Variants in CLDN10 observed in about 807,000 individuals in gnomAD.
CLDN10 encodes claudin-10.
A neutral mutation model predicts 22.9 loss-of-function variants in CLDN10; 15 were observed. The observed-to-expected ratio is 0.65, with a 90% CI of 0.44 to 1.01. CLDN10 has a LOEUF of 1.01. Ranked by LOEUF, CLDN10 falls within the 50% of genes least tolerant of loss-of-function variation. CLDN10 has a pLI of 0.00. For synonymous variants in CLDN10, 114 were observed against 111.4 expected (o/e 1.02, Z -0.15); for missense variants, 247 against 287.8 (o/e 0.86, Z 1.03).
Position 95,470,390 on chromosome 13 carries a change from G to A in CLDN10, c.214+36343G>A, listed in dbSNP as rs1344306138. Among the ~76,000 whole-genome samples, 3 of 152,264 alleles carry A rather than the reference G, an allele frequency of 2.0e-5. No homozygotes were observed. In the East Asian group the frequency reaches 5.8e-4, roughly 29 times the overall value. Reference sequence around the variant, plus strand: ...AGCCTTCCAAGCAGCTGGAACCATAGGTGCGCACCATCATGGCTGGCTGGA... The same window carrying A: ...AGCCTTCCAAGCAGCTGGAACCATAAGTGCGCACCATCATGGCTGGCTGGA... On this transcript the variant is annotated intron_variant, in intron 1 of 4. Transcript: ENST00000376873.
At chr13:95,546,623 C>A (rs138240049) in intron 1 of CLDN10, among the ~76,000 whole-genome samples, 2 of 152,168 alleles carry the variant, frequency 1.3e-5, no homozygotes, top group Admixed American at 6.5e-5. Flanking sequence ...ACAATGTGAG[C>A]CACGTGGTAA....
At chr13:95,457,117 A>G (rs1409702359) in intron 1 of CLDN10, among the ~76,000 whole-genome samples, 1 of 152,084 alleles carries the variant, frequency 6.6e-6, no homozygotes, top group East Asian at 1.9e-4. Flanking sequence ...TATTGCACCC[A>G]TCTTCTGGTC....
intron 1 of CLDN10, among the ~76,000 whole-genome samples, chr13:95,523,263 T>G (rs888317155): frequency 6.6e-6 from 1 of 152,154 alleles, no homozygotes; most frequent in African/African-American, 2.4e-5. Context: ...TAATGCTATA[T>G]GGTATTATCA....
At chr13:95,434,148 T>C in intron 1 of CLDN10, 1 of 1,024,486 alleles carries the variant, frequency 9.8e-7, no homozygotes, top group South Asian at 1.5e-5. Context: ...CTCTGAAGAC[T>C]GAGTGCTTAA....
intron 1 of CLDN10, among the ~76,000 whole-genome samples, chr13:95,477,323 G>A (rs1366394349): frequency 6.6e-6 from 1 of 152,188 alleles, no homozygotes; most frequent in East Asian, 1.9e-4. Flanking sequence ...AGGCTCTGGG[G>A]CATACAGGCT....
chr13:95,566,536 G>A (rs988007804), intron 3 of CLDN10, among the ~76,000 whole-genome samples: 1 of 152,028 alleles, frequency 6.6e-6, no homozygotes, highest in Non-Finnish European at 1.5e-5. Context: ...TTGTCAGATG[G>A]GTAGATTGCA....
intron 1 of CLDN10, among the ~76,000 whole-genome samples, chr13:95,498,374 T>G (rs1222763480): frequency 6.6e-6 from 1 of 152,152 alleles, no homozygotes; most frequent in Non-Finnish European, 1.5e-5. Context: ...GGGCAAAATA[T>G]TTTATGGGTG....
upstream of CLDN10, among the ~76,000 whole-genome samples, chr13:95,548,977 T>C (rs747157146): frequency 2.0e-4 from 31 of 152,350 alleles, no homozygotes; most frequent in South Asian, 6.2e-4. Context: ...TGGTTTTCAC[T>C]CCTATTGAAC....
intron 1 of CLDN10, among the ~76,000 whole-genome samples, chr13:95,545,634 G>T (rs2043500593): frequency 6.6e-6 from 1 of 152,108 alleles, no homozygotes; most frequent in African/African-American, 2.4e-5. Context: ...TCTAACTTCA[G>T]CATTCTAGAA....
At chr13:95,551,735 C>G (rs533744495), upstream of CLDN10, among the ~76,000 whole-genome samples, 53 of 152,260 alleles carry the variant, frequency 3.5e-4, no homozygotes, top group African/African-American at 7.7e-4. Flanking sequence ...AAATAATAAC[C>G]CGTGTCCTTG....
chr13:95,543,058 C>G (rs1272664518), intron 1 of CLDN10, among the ~76,000 whole-genome samples: 1 of 152,042 alleles, frequency 6.6e-6, no homozygotes, highest in Non-Finnish European at 1.5e-5. Context: ...GTGTTGAAAC[C>G]CTGTCTCTAC....
At chr13:95,473,509 C>T (rs374726827) in intron 1 of CLDN10, among the ~76,000 whole-genome samples, 1 of 152,338 alleles carries the variant, frequency 6.6e-6, no homozygotes, top group Non-Finnish European at 1.5e-5. Flanking sequence ...CGCCCTCGGC[C>T]GCTCACCACC....
intron 1 of CLDN10, among the ~76,000 whole-genome samples, chr13:95,556,502 C>A (rs2043641628): frequency 6.6e-6 from 1 of 152,176 alleles, no homozygotes; most frequent in Non-Finnish European, 1.5e-5. Flanking sequence ...GCTTAGAATC[C>A]ATTGTAGTAT....
intron 1 of CLDN10, among the ~76,000 whole-genome samples, chr13:95,446,449 G>A (rs2139072148): frequency 6.6e-6 from 1 of 152,346 alleles, no homozygotes; most frequent in Admixed American, 6.5e-5. Context: ...GCCCTTAGAT[G>A]TTCATAGCCT....
At chr13:95,527,178 A>G (rs2043290561) in intron 1 of CLDN10, among the ~76,000 whole-genome samples, 1 of 152,078 alleles carries the variant, frequency 6.6e-6, no homozygotes, top group East Asian at 1.9e-4. Context: ...GGTTTTCCTT[A>G]TTGCCAATTT....
At chr13:95,434,722 A>T (rs2042250031) in intron 1 of CLDN10, among the ~76,000 whole-genome samples, 1 of 151,866 alleles carries the variant, frequency 6.6e-6, no homozygotes, top group Non-Finnish European at 1.5e-5. Context: ...GGCTTTTAAA[A>T]CAATCCAACC....
intron 3 of CLDN10, among the ~76,000 whole-genome samples, chr13:95,573,621 CTG>C (rs1366410231): frequency 1.3e-5 from 2 of 152,192 alleles, no homozygotes; most frequent in Non-Finnish European, 2.9e-5. Flanking sequence ...TGGGAACAAA[CTG>C]GAGTGGATAT....
intron 1 of CLDN10, among the ~76,000 whole-genome samples, chr13:95,558,925 TA>T (rs1364349684): frequency 1.3e-5 from 2 of 151,798 alleles, no homozygotes; most frequent in Admixed American, 6.6e-5. Context: ...GATCCTGTGT[TA>T]AAAAAAGAAA....
intron 1 of CLDN10, among the ~76,000 whole-genome samples, chr13:95,535,685 A>T (rs1408214860): frequency 6.6e-6 from 1 of 151,904 alleles, no homozygotes; most frequent in Non-Finnish European, 1.5e-5. Flanking sequence ...AGAAGAACTG[A>T]TTCTGGGTCA....
Sources: gnomAD v4.1 joint callset for allele counts (sites outside exome capture counted in the v4.1 genomes callset) on GRCh38, gnomAD v4.1.1 for gene constraint, MANE v1.5 for transcripts, NCBI Gene and HGNC (gene_info 2026-07-23, HGNC 2026-07-21) for gene names.